CDK14: variants seen among roughly 807,000 people sequenced by gnomAD.
CDK14 encodes cyclin dependent kinase 14.
CDK14 carries 34 observed loss-of-function variants against 60.7 expected under a neutral mutation model. The ratio of observed to expected loss-of-function variants is 0.56; its 90% confidence interval spans 0.43 to 0.75. The LOEUF (loss-of-function observed/expected upper bound fraction) is 0.75. CDK14 is among the 30% of genes least tolerant of loss of function. The pLI is 0.00. For missense variants in CDK14, 482 were observed against 564.1 expected (o/e 0.85, Z 1.47); for synonymous variants, 197 against 203.7 (o/e 0.97, Z 0.28).
At chr7:90,610,681 A>C (rs1400863107) in intron 2 of CDK14, among the ~76,000 whole-genome samples, 1 of 152,126 alleles carries the variant, frequency 6.6e-6, no homozygotes, top group Non-Finnish European at 1.5e-5. Flanking sequence ...CTAGATGACT[A>C]CCTTCTCCCT....
chr7:90,617,500 A>G (rs570347661), intron 2 of CDK14, among the ~76,000 whole-genome samples: 36 of 152,304 alleles, frequency 2.4e-4, no homozygotes, highest in African/African-American at 7.2e-4. Context: ...AGTGAACCTT[A>G]AAGATTCCTG....
At chr7:90,692,424 A>G (rs80171727) in intron 2 of CDK14, among the ~76,000 whole-genome samples, 10,914 of 152,256 alleles carry the variant, frequency 0.072, 530 homozygotes, top group East Asian at 0.19. Context: ...TAATTAAAGA[A>G]TTAGCTTATA....
chr7:90,926,867 G>GC (rs1793432263), intron 8 of CDK14, among the ~76,000 whole-genome samples: 2 of 152,082 alleles, frequency 1.3e-5, no homozygotes, highest in Admixed American at 6.6e-5. Flanking sequence ...GCATTCCCAC[G>GC]CCCCCTTCCT....
At chr7:90,899,898 C>A (rs1792447646) in intron 7 of CDK14, among the ~76,000 whole-genome samples, 2 of 151,936 alleles carry the variant, frequency 1.3e-5, no homozygotes, top group South Asian at 4.2e-4. Flanking sequence ...GAAATTATTC[C>A]AAAATTTCAA....
chr7:91,066,831 G>C (rs115842720), intron 11 of CDK14, among the ~76,000 whole-genome samples: 1 of 152,014 alleles, frequency 6.6e-6, no homozygotes, highest in African/African-American at 2.4e-5. Context: ...ATTTCTTCTC[G>C]GCAAGCTCTC....
chr7:90,962,155 G>A (rs943256203), intron 9 of CDK14, among the ~76,000 whole-genome samples: 3 of 151,914 alleles, frequency 2.0e-5, no homozygotes, highest in Non-Finnish European at 4.4e-5. Flanking sequence ...TGATAGCTTT[G>A]GCATGCTGAA....
intron 4 of CDK14, among the ~76,000 whole-genome samples, chr7:90,785,602 G>A (rs1805542350): frequency 6.6e-6 from 1 of 151,860 alleles, no homozygotes; most frequent in African/African-American, 2.4e-5. Context: ...TGGCTAACAC[G>A]GTGAAAACCC....
chr7:91,060,452 G>C (rs917823652), intron 11 of CDK14, among the ~76,000 whole-genome samples: 1 of 152,110 alleles, frequency 6.6e-6, no homozygotes, highest in East Asian at 1.9e-4. Context: ...TATGATGTTA[G>C]CTGGTGATTT....
At chr7:90,609,144 A>T (rs1329388763) in intron 2 of CDK14, among the ~76,000 whole-genome samples, 4 of 152,080 alleles carry the variant, frequency 2.6e-5, no homozygotes, top group Non-Finnish European at 5.9e-5. Flanking sequence ...CTCCCACCTC[A>T]GCCTTCTAAG....
chr7:90,781,880 G>C (rs749931096), intron 4 of CDK14, among the ~76,000 whole-genome samples: 2 of 152,244 alleles, frequency 1.3e-5, no homozygotes, highest in South Asian at 4.2e-4. Context: ...TTTTGTCTTA[G>C]GATTGACTTG....
At chr7:90,783,790 A>T (rs1237875184) in intron 4 of CDK14, among the ~76,000 whole-genome samples, 1 of 152,186 alleles carries the variant, frequency 6.6e-6, no homozygotes, top group Non-Finnish European at 1.5e-5. Flanking sequence ...AATAGCGATG[A>T]GGATATGGAG....
At chr7:90,914,453 C>A (rs1793007592) in intron 7 of CDK14, among the ~76,000 whole-genome samples, 2 of 152,160 alleles carry the variant, frequency 1.3e-5, no homozygotes, top group Admixed American at 1.3e-4. Flanking sequence ...AGTCTAGGGA[C>A]CACATCTTAT....
intron 14 of CDK14, among the ~76,000 whole-genome samples, chr7:91,190,633 G>A (rs529361431): frequency 5.9e-5 from 9 of 152,098 alleles, no homozygotes; most frequent in Non-Finnish European, 1.2e-4. Flanking sequence ...GTTACTACAG[G>A]CATGCACCAC....
chr7:90,994,707 A>G (rs189991743), intron 10 of CDK14, among the ~76,000 whole-genome samples: 44 of 152,316 alleles, frequency 2.9e-4, no homozygotes, highest in South Asian at 1.5e-3. Flanking sequence ...ATGAATTGTC[A>G]AGAGTGTTAC....
At chr7:90,900,668 A>C (rs1052112388) in intron 7 of CDK14, among the ~76,000 whole-genome samples, 2 of 152,114 alleles carry the variant, frequency 1.3e-5, no homozygotes, top group Non-Finnish European at 2.9e-5. Flanking sequence ...TAGTGAGACC[A>C]CTGGCCCCGG....
chr7:91,041,902 G>C (rs552159219), intron 10 of CDK14, among the ~76,000 whole-genome samples: 1 of 152,084 alleles, frequency 6.6e-6, no homozygotes, highest in Non-Finnish European at 1.5e-5. Context: ...ATCTGGTGCC[G>C]GGCACATGGT....
chr7:90,758,712 C>A (rs1804185511), intron 4 of CDK14, among the ~76,000 whole-genome samples: 1 of 152,122 alleles, frequency 6.6e-6, no homozygotes, highest in South Asian at 2.1e-4. Flanking sequence ...ATAAGTAATT[C>A]TATATAAATG....
intron 12 of CDK14, chr7:91,107,262 CA>C (rs1263733355): frequency 6.6e-6 from 1 of 152,120 alleles, no homozygotes; most frequent in East Asian, 1.9e-4. Flanking sequence ...ATGCTTTATT[CA>C]AAAAATGTTT....
At chr7:90,943,029 CAAGTT>C (rs1793982741) in intron 8 of CDK14, among the ~76,000 whole-genome samples, 1 of 151,928 alleles carries the variant, frequency 6.6e-6, no homozygotes, top group Non-Finnish European at 1.5e-5. Flanking sequence ...TTCTATGGCT[CAAGTT>C]AACTCGTTGA....
Sources: allele counts gnomAD v4.1 joint callset (sites outside exome capture counted in the v4.1 genomes callset), GRCh38; gene constraint gnomAD v4.1.1; transcripts MANE v1.5; gene names NCBI Gene and HGNC (gene_info 2026-07-23, HGNC 2026-07-21).